The following PRKDC variants were observed in gnomAD, a reference collection of about 807,000 sequenced individuals.
PRKDC encodes the protein DNA-dependent protein kinase catalytic subunit.
Under a neutral mutation model 486.9 loss-of-function variants are expected in PRKDC, and 82 were observed. That is an observed-to-expected ratio of 0.17 (90% CI 0.14 to 0.20). PRKDC has a LOEUF of 0.20. Ranked by LOEUF, PRKDC falls within the 10% of genes least tolerant of loss-of-function variation. The pLI, the probability that PRKDC is intolerant of heterozygous loss-of-function variation, is 1.00. For synonymous variants in PRKDC, 1,895 were observed against 1,837.0 expected (o/e 1.03, Z -0.81); for missense variants, 4,504 against 5,038.2 (o/e 0.89, Z 3.21).
chr8:47,886,171 C>A lies in PRKDC; in HGVS notation c.4573-24G>T, dbSNP rs1055132791. The A allele has an allele frequency of 2.6e-6, 4 of 1,550,688 alleles. No homozygotes were observed. The Admixed American group carries it at 8.3e-5, about 32-fold the overall frequency. On this transcript the variant is annotated intron_variant, in intron 35 of 85. Transcript: ENST00000314191. The stretch of plus-strand genomic sequence containing the variant: ...CACTGGGAAAAAGAAAGGAGAAGTA[C>A]CATAACTGGGGCACATCTTTGCATG...
intron 80 of PRKDC, among the ~76,000 whole-genome samples, chr8:47,779,802 C>A (rs2086668046): frequency 6.6e-6 from 1 of 152,014 alleles, no homozygotes; most frequent in Non-Finnish European, 1.5e-5. Flanking sequence ...GTTGGCCAGG[C>A]TGGTCTCGAA....
chr8:47,943,906 A>G, intron 8 of PRKDC, 23 bp from the exon 9 acceptor site: 1 of 1,583,776 alleles, frequency 6.3e-7, no homozygotes, highest in Non-Finnish European at 8.6e-7. Flanking sequence ...AGAAAAATTC[A>G]CCATCAGTAT....
Position 47,777,818 on chromosome 8 carries a change from C to A in PRKDC, c.11910G>T (p.Leu3970=). The change falls in exon 84 of 86, where the codon CTG becomes CTT. Residue 3970 remains leucine (L), a synonymous_variant. Coordinates refer to ENST00000314191, the MANE Select transcript of PRKDC (RefSeq NM_006904.7). ...PFRLTRQFIN[L]MLPMKETGLM... ...GGCCCGTTTCTTTCATTGGTAACATCAGATTGATAAACTGGCGAGTTAGCC... is the reference window on the plus strand; with the variant it reads ...GGCCCGTTTCTTTCATTGGTAACATAAGATTGATAAACTGGCGAGTTAGCC... 1 of 1,613,984 alleles carries A rather than the reference C, an allele frequency of 6.2e-7. No individual in the cohort carries two copies. The highest frequency in any genetic ancestry group is 8.5e-7 in the Non-Finnish European group (1 of 1,179,888).
chr8:47,936,641 C>T (rs1016631355), intron 11 of PRKDC, 124 bp from the exon 12 acceptor site: 61 of 1,094,952 alleles, frequency 5.6e-5, no homozygotes, highest in South Asian at 4.8e-4. Context: ...TTTTTTGAGA[C>T]GAAGTTTCGC....
At chr8:47,876,727 A>C (rs2154501253) in intron 40 of PRKDC, among the ~76,000 whole-genome samples, 1 of 152,328 alleles carries the variant, frequency 6.6e-6, no homozygotes, top group South Asian at 2.1e-4. Flanking sequence ...CTAAAATACT[A>C]AATTGCATTT....
chr8:47,784,703 C>CT (rs80180226), intron 77 of PRKDC, among the ~76,000 whole-genome samples: 298 of 144,006 alleles, frequency 2.1e-3, no homozygotes, highest in South Asian at 0.014. Context: ...TAACTTGTCA[C>CT]TTTTTTTTTT....
intron 54 of PRKDC, among the ~76,000 whole-genome samples, chr8:47,844,471 T>C (rs527298147): frequency 1.3e-5 from 2 of 152,146 alleles, no homozygotes; most frequent in Non-Finnish European, 2.9e-5. Context: ...CTACTGACAG[T>C]GTTAGATAGA....
At chr8:47,871,639 C>T (rs1324850732) in intron 40 of PRKDC, among the ~76,000 whole-genome samples, 5 of 152,144 alleles carry the variant, frequency 3.3e-5, no homozygotes, top group Admixed American at 6.5e-5. Context: ...GCTCTTCTTG[C>T]CCAGGCTGGA....
intron 25 of PRKDC, among the ~76,000 whole-genome samples, chr8:47,911,776 AT>A (rs112004714): frequency 2.8e-4 from 41 of 146,886 alleles, no homozygotes; most frequent in African/African-American, 4.5e-4. Context: ...TTATTTATTT[AT>A]TTTTTTTTTT....
At chr8:47,950,125 C>T (rs762310972) in intron 7 of PRKDC, among the ~76,000 whole-genome samples, 1 of 151,454 alleles carries the variant, frequency 6.6e-6, no homozygotes, top group African/African-American at 2.4e-5. Flanking sequence ...TACAAAAATC[C>T]GCTGAGCATG....
At chr8:47,928,006 A>G in intron 19 of PRKDC, 116 bp from the exon 20 acceptor site, 1 of 948,572 alleles carries the variant, frequency 1.1e-6, no homozygotes, top group Non-Finnish European at 1.4e-6. Flanking sequence ...CTTTATTGAC[A>G]TGACCACATT....
chr8:47,959,903 G>C (rs2090783353), intron 1 of PRKDC, 70 bp downstream of exon 1: 1 of 1,510,460 alleles, frequency 6.6e-7, no homozygotes, highest in South Asian at 1.2e-5. Flanking sequence ...GAGAAGCGCC[G>C]GGCTGCCCGG....
intron 76 of PRKDC, among the ~76,000 whole-genome samples, chr8:47,787,392 T>C (rs1251274420): frequency 4.6e-5 from 7 of 152,224 alleles, no homozygotes; most frequent in African/African-American, 9.6e-5. Context: ...TTAGAAAGAT[T>C]AGCTATTTCC....
intron 59 of PRKDC, among the ~76,000 whole-genome samples, chr8:47,833,369 T>C (rs1186517754): frequency 6.6e-6 from 1 of 152,164 alleles, no homozygotes; most frequent in Admixed American, 6.5e-5. Context: ...CCCAGGGTTC[T>C]GTCATGGGCC....
chr8:47,823,763 AG>A lies in PRKDC; in HGVS notation c.8922+94del. On this transcript the variant is annotated intron_variant, in intron 64 of 85. Transcript: ENST00000314191. ...GTAACGAAAAGACATTGAACCAACA[AG>A]GATCTGCTGTACCTCGTTTTGCTTA... 2.1e-6 allele frequency: 3 copies of A among 1,416,774 alleles called. No homozygotes were observed. The South Asian group carries it at 3.7e-5, about 18-fold the overall frequency. 87.8% of individuals were successfully genotyped at this position (1,416,774 alleles called of 1,614,324 possible).
chr8:47,778,187 C>T (rs1365312825), intron 83 of PRKDC, among the ~76,000 whole-genome samples: 3 of 152,098 alleles, frequency 2.0e-5, no homozygotes, highest in Non-Finnish European at 4.4e-5. Context: ...ATTTTTATTA[C>T]GGGGCTTCCT....
chr8:47,886,906 T>C (rs1424994463), intron 35 of PRKDC, among the ~76,000 whole-genome samples: 1 of 152,208 alleles, frequency 6.6e-6, no homozygotes, highest in Non-Finnish European at 1.5e-5. Flanking sequence ...TCCAGGATGG[T>C]CTCAAACTCC....
intron 16 of PRKDC, 148 bp downstream of exon 16, chr8:47,932,872 G>A (rs986383354): frequency 1.7e-6 from 1 of 573,052 alleles, no homozygotes; most frequent in South Asian, 3.1e-5. Flanking sequence ...ACATCCAACA[G>A]AAATGCATCA....
chr8:47,943,512 C>A, intron 9 of PRKDC, 146 bp from the exon 10 acceptor site: 1 of 866,708 alleles, frequency 1.2e-6, no homozygotes, highest in Non-Finnish European at 1.7e-6. Flanking sequence ...GGATTCCTGT[C>A]AGAGCTCTAA....
Sources: gnomAD v4.1 joint callset for allele counts (sites outside exome capture counted in the v4.1 genomes callset) on GRCh38, gnomAD v4.1.1 for gene constraint, MANE v1.5 for transcripts, NCBI Gene and HGNC (gene_info 2026-07-23, HGNC 2026-07-21) for gene names.